Variants in MAF observed in about 807,000 individuals in gnomAD.
MAF encodes MAF bZIP transcription factor.
A neutral mutation model predicts 22.0 loss-of-function variants in MAF; 10 were observed. The observed-to-expected ratio is 0.45, with a 90% confidence interval of 0.28 to 0.77. The LOEUF (loss-of-function observed/expected upper bound fraction) is 0.77. MAF is among the 30% of genes least tolerant of loss of function. The pLI is 0.12. For synonymous variants in MAF, 337 were observed against 255.8 expected, an observed-to-expected ratio of 1.32 and a Z score of -3.03; for missense variants, 544 against 548.4, an observed-to-expected ratio of 0.99 and a Z score of 0.08.
the MAF span, chr16:79,206,704 G>A: frequency 1.3e-5 from 2 of 152,196 alleles, no homozygotes; most frequent in African/African-American, 2.4e-5. Context: ...GTGGAAGTTG[G>A]TGTGTTCGTT....
the MAF span, among the ~76,000 whole-genome samples, chr16:79,356,209 C>T: frequency 2.0e-5 from 3 of 152,226 alleles, no homozygotes; most frequent in African/African-American, 7.2e-5. Flanking sequence ...CATGCACTCA[C>T]ACACCCTTGC....
the MAF span, among the ~76,000 whole-genome samples, chr16:79,242,109 T>C: frequency 6.6e-6 from 1 of 151,854 alleles, no homozygotes; most frequent in Non-Finnish European, 1.5e-5. Context: ...TAAAGACCAT[T>C]AACACTATGA....
the MAF span, among the ~76,000 whole-genome samples, chr16:79,329,608 G>A: frequency 3.8e-4 from 58 of 152,188 alleles, no homozygotes; most frequent in Non-Finnish European, 7.2e-4. Context: ...GATGGAAGTG[G>A]TTCATATCAG....
At chr16:79,569,827 G>A in the MAF span, among the ~76,000 whole-genome samples, 8 of 152,156 alleles carry the variant, frequency 5.3e-5, no homozygotes, top group Non-Finnish European at 1.0e-4. Context: ...CCAACCTAGA[G>A]GGAGCTGTCC....
the MAF span, among the ~76,000 whole-genome samples, chr16:79,431,231 T>C: frequency 6.6e-6 from 1 of 152,108 alleles, no homozygotes; most frequent in African/African-American, 2.4e-5. Flanking sequence ...CCTGGGTACC[T>C]AGTAAAGGAA....
chr16:79,490,416 G>T, the MAF span, among the ~76,000 whole-genome samples: 1 of 152,164 alleles, frequency 6.6e-6, no homozygotes, highest in Non-Finnish European at 1.5e-5. Flanking sequence ...CTGTAGAGGG[G>T]ATTCCTCTGC....
the MAF span, among the ~76,000 whole-genome samples, chr16:79,567,503 T>C: frequency 0.027 from 4,177 of 152,288 alleles, 127 homozygotes; most frequent in African/African-American, 0.076. Flanking sequence ...CTTTTTCTTT[T>C]TTAAAAAAAG....
At chr16:79,264,446 A>C in the MAF span, 1 of 152,216 alleles carries the variant, frequency 6.6e-6, no homozygotes, top group African/African-American at 2.4e-5. Context: ...CCCTGAGAAC[A>C]CAGCAGAGTC....
the MAF span, among the ~76,000 whole-genome samples, chr16:79,457,702 C>T: frequency 0.031 from 4,773 of 152,216 alleles, 76 homozygotes; most frequent in Middle Eastern, 0.044. Context: ...AGTTAGTTTA[C>T]ACCCTACACT....
At chr16:79,414,924 T>A in the MAF span, among the ~76,000 whole-genome samples, 1 of 152,230 alleles carries the variant, frequency 6.6e-6, no homozygotes, top group Non-Finnish European at 1.5e-5. Context: ...GATTTCCATG[T>A]CATAGGGTGT....
the MAF span, among the ~76,000 whole-genome samples, chr16:79,369,380 G>T: frequency 6.6e-6 from 1 of 152,160 alleles, no homozygotes; most frequent in African/African-American, 2.4e-5. Context: ...TCATCCCAAA[G>T]CCCATATTTT....
chr16:79,278,076 T>G, the MAF span, among the ~76,000 whole-genome samples: 2 of 152,202 alleles, frequency 1.3e-5, no homozygotes. Context: ...TATAAAACTG[T>G]ACTAAGTGAA....
At chr16:79,357,241 G>A in the MAF span, among the ~76,000 whole-genome samples, 1 of 145,224 alleles carries the variant, frequency 6.9e-6, no homozygotes, top group Non-Finnish European at 1.5e-5. Context: ...GGGCAACAGA[G>A]CAAGACTCTG....
At chr16:79,333,211 C>A in the MAF span, among the ~76,000 whole-genome samples, 1 of 152,162 alleles carries the variant, frequency 6.6e-6, no homozygotes, top group Non-Finnish European at 1.5e-5. Flanking sequence ...ACCAGAAGAA[C>A]TTTGCTGCTG....
chr16:79,250,094 C>T, the MAF span, among the ~76,000 whole-genome samples: 1 of 152,300 alleles, frequency 6.6e-6, no homozygotes, highest in Middle Eastern at 3.4e-3. Flanking sequence ...TATGTTGTTG[C>T]CATTTTAGAA....
chr16:79,342,077 G>A, the MAF span, among the ~76,000 whole-genome samples: 1,916 of 152,284 alleles, frequency 0.013, 43 homozygotes, highest in African/African-American at 0.044. Flanking sequence ...TCAAAACACC[G>A]TGAGAAAACT....
chr16:79,345,863 G>A, the MAF span, among the ~76,000 whole-genome samples: 1 of 151,192 alleles, frequency 6.6e-6, no homozygotes, highest in East Asian at 1.9e-4. Context: ...TTGATGTTTG[G>A]GTACTGTAAT....
chr16:79,224,989 C>T, the MAF span, among the ~76,000 whole-genome samples: 1 of 152,110 alleles, frequency 6.6e-6, no homozygotes, highest in Non-Finnish European at 1.5e-5. Flanking sequence ...CACTGACTTT[C>T]TTCACAGAAT....
chr16:79,520,726 C>T, the MAF span, among the ~76,000 whole-genome samples: 2 of 152,128 alleles, frequency 1.3e-5, no homozygotes, highest in Non-Finnish European at 2.9e-5. Context: ...TGGTCTTGGG[C>T]CACATTAGTC....
Sources: gnomAD v4.1 joint callset for allele counts (sites outside exome capture counted in the v4.1 genomes callset) on GRCh38, gnomAD v4.1.1 for gene constraint, MANE v1.5 for transcripts, NCBI Gene and HGNC (gene_info 2026-07-23, HGNC 2026-07-21) for gene names.